Variants in ARHGEF9 observed in about 807,000 individuals in gnomAD.
The protein encoded by ARHGEF9 is Cdc42 guanine nucleotide exchange factor 9.
Under a neutral mutation model 41.3 loss-of-function variants are expected in ARHGEF9, and 2 were observed. The ratio of observed to expected loss-of-function variants is 0.05; its 90% CI spans 0.02 to 0.15. The LOEUF is 0.15. Among genes scored for constraint, ARHGEF9 ranks in the 10% least tolerant of loss-of-function variants. The probability of loss-of-function intolerance (pLI) is 1.00; values close to 1 mark genes in which losing one functional copy is unlikely to be tolerated. For synonymous variants in ARHGEF9, 160 were observed against 154.4 expected, an observed-to-expected ratio of 1.04 and a Z score of -0.27; for missense variants, 225 against 424.7, an observed-to-expected ratio of 0.53 and a Z score of 4.13.
intron 1 of ARHGEF9, chrX:63,755,837 G>A (rs1162485067): frequency 2.3e-5 from 17 of 752,247 alleles, no homozygotes; most frequent in South Asian, 1.4e-4. Flanking sequence ...CCCTTACCTG[G>A]TCAGATTTCC....
chrX:63,635,410 TC>T lies in ARHGEF9; in HGVS notation c.*2617del, dbSNP rs2047270957. 1 of 520,902 alleles carries T rather than the reference TC, an allele frequency of 1.9e-6. No individual in the cohort carries two copies. The highest frequency in any genetic ancestry group is 3.5e-6 in the Non-Finnish European group (1 of 285,738). 42.9% of individuals were successfully genotyped at this position (520,902 alleles called of 1,213,427 possible). A position where few individuals can be genotyped will look rare whatever the true frequency, so the allele number is the denominator to read the frequency against. Reference sequence around the variant, plus strand: ...CTCACTGAGTTGAGGAAAAGGGAGCTCAGGGCCATGCGGAAATTACAACATT... The same window carrying T: ...CTCACTGAGTTGAGGAAAAGGGAGCTAGGGCCATGCGGAAATTACAACATT... On this transcript the variant is annotated 3_prime_UTR_variant, in exon 10 of 10. Coordinates refer to ENST00000671741, the MANE Select transcript of ARHGEF9 (RefSeq NM_001353921.2).
At chrX:63,657,644 C>G (rs782446720) in intron 7 of ARHGEF9, 4 of 111,484 alleles carry the variant, frequency 3.6e-5, no homozygotes, top group African/African-American at 6.5e-5. Flanking sequence ...TGCCCCAAGC[C>G]TATTTCAGAA....
chrX:63,778,016 G>C (rs1360292622), intron 1 of ARHGEF9, among the ~76,000 whole-genome samples: 1 of 112,722 alleles, frequency 8.9e-6, no homozygotes, highest in Non-Finnish European at 1.9e-5. Context: ...CCACTAGGCA[G>C]TGCCCCAGTG....
At chrX:63,716,291 A>AT (rs1556410092) in intron 2 of ARHGEF9, among the ~76,000 whole-genome samples, 5 of 109,981 alleles carry the variant, frequency 4.5e-5, no homozygotes, top group African/African-American at 1.7e-4. Flanking sequence ...CCTGTCTCAA[A>AT]GAAAAAAAAA....
chrX:63,721,415 A>T (rs1458804569), intron 2 of ARHGEF9, among the ~76,000 whole-genome samples: 1 of 111,175 alleles, frequency 9.0e-6, no homozygotes, highest in African/African-American at 3.3e-5. Context: ...ATGACACCTC[A>T]GCAAGCTCTT....
intron 9 of ARHGEF9, 100 bp downstream of exon 9, chrX:63,643,880 C>A: frequency 2.2e-6 from 2 of 921,019 alleles, no homozygotes; most frequent in East Asian, 3.1e-5. Flanking sequence ...TCCTCCACCA[C>A]CCCCAAGTAA....
chrX:63,676,858 G>A (rs1315755227), intron 5 of ARHGEF9, among the ~76,000 whole-genome samples: 1 of 112,340 alleles, frequency 8.9e-6, no homozygotes, highest in African/African-American at 3.2e-5. Context: ...ATGTTTCTTA[G>A]TACTCAAGTA....
chrX:63,701,860 A>T (rs2052206251), intron 3 of ARHGEF9, among the ~76,000 whole-genome samples: 1 of 111,470 alleles, frequency 9.0e-6, no homozygotes, highest in Non-Finnish European at 1.9e-5. Context: ...GCAGGCAGAA[A>T]CCCCTGGGCT....
chrX:63,683,723 G>C (rs1463193773), intron 4 of ARHGEF9, among the ~76,000 whole-genome samples: 2 of 111,306 alleles, frequency 1.8e-5, no homozygotes, highest in Non-Finnish European at 3.8e-5. Context: ...TTTGACAAGA[G>C]CACCAACAGG....
intron 1 of ARHGEF9, among the ~76,000 whole-genome samples, chrX:63,771,442 A>G (rs782534222): frequency 1.4e-4 from 16 of 112,325 alleles, no homozygotes; most frequent in African/African-American, 5.2e-4. Flanking sequence ...TGCTCAGATA[A>G]TTGGTTGATT....
chrX:63,684,275 C>T (rs1556373038), intron 4 of ARHGEF9, among the ~76,000 whole-genome samples: 1 of 110,768 alleles, frequency 9.0e-6, no homozygotes, highest in African/African-American at 3.3e-5. Flanking sequence ...TGATGCTCAA[C>T]ATCATTAATC....
At position 63,713,361 on chromosome X, in the gene ARHGEF9, G is replaced by C. The variant is rs1366125410; in HGVS notation, c.211-6912C>G. 7.3e-5 allele frequency among the ~76,000 whole-genome samples: 8 copies of C among 110,007 alleles called. No individual in the cohort carries two copies. In the East Asian group the frequency reaches 2.3e-3, roughly 32 times the overall value. On this transcript the variant is annotated intron_variant, in intron 2 of 9. Coordinates refer to ENST00000671741, the MANE Select transcript of ARHGEF9 (RefSeq NM_001353921.2). ...ATAAACTCCCTTGACAACATACCCT[G>C]CCAGCAATTGCACAGCCTATCTGCT...
chrX:63,681,400 T>A (rs2050615083), intron 4 of ARHGEF9, among the ~76,000 whole-genome samples: 1 of 112,155 alleles, frequency 8.9e-6, no homozygotes, highest in South Asian at 3.7e-4. Context: ...ATATCAAGTA[T>A]CTTTTCTGGT....
intron 1 of ARHGEF9, among the ~76,000 whole-genome samples, chrX:63,741,051 C>T (rs1369487258): frequency 8.9e-6 from 1 of 112,680 alleles, no homozygotes; most frequent in Non-Finnish European, 1.9e-5. Flanking sequence ...GATATCTTTG[C>T]TCTAGTCCAG....
intron 4 of ARHGEF9, among the ~76,000 whole-genome samples, chrX:63,680,767 G>A (rs2050570768): frequency 9.0e-6 from 1 of 111,719 alleles, no homozygotes; most frequent in African/African-American, 3.3e-5. Flanking sequence ...AAAACCAACT[G>A]CTAGTATAGT....
chrX:63,781,566 T>C (rs1394533293), intron 1 of ARHGEF9, among the ~76,000 whole-genome samples: 1 of 111,960 alleles, frequency 8.9e-6, no homozygotes, highest in East Asian at 2.8e-4. Context: ...GAAAGACACG[T>C]ATCATCTATA....
intron 8 of ARHGEF9, 113 bp from the exon 9 acceptor site, chrX:63,644,161 G>T: frequency 2.4e-6 from 1 of 419,573 alleles, no homozygotes; most frequent in Non-Finnish European, 3.6e-6. Flanking sequence ...AAAAAATCTT[G>T]AAATACAAAA....
intron 1 of ARHGEF9, among the ~76,000 whole-genome samples, chrX:63,736,754 C>T (rs1292542560): frequency 5.4e-5 from 6 of 111,788 alleles, no homozygotes; most frequent in Non-Finnish European, 1.1e-4. Flanking sequence ...GACAGATATG[C>T]TTCACTACAG....
chrX:63,750,025 G>A (rs1468984211), intron 1 of ARHGEF9, among the ~76,000 whole-genome samples: 6 of 112,151 alleles, frequency 5.3e-5, no homozygotes, highest in African/African-American at 1.6e-4. Flanking sequence ...ATAAGAGCTA[G>A]AGAGTCCAAG....
Sources: allele counts gnomAD v4.1 joint callset (sites outside exome capture counted in the v4.1 genomes callset), GRCh38; gene constraint gnomAD v4.1.1; transcripts MANE v1.5; gene names NCBI Gene and HGNC (gene_info 2026-07-23, HGNC 2026-07-21).